The following PFKP variants were observed in gnomAD, a reference collection of about 807,000 sequenced individuals.
PFKP encodes phosphofructokinase, platelet, also known as ATP-dependent 6-phosphofructokinase, platelet type.
A neutral mutation model predicts 94.3 loss-of-function variants in PFKP; 101 were observed. The observed-to-expected ratio is 1.07, with a 90% confidence interval of 0.91 to 1.26. The LOEUF (loss-of-function observed/expected upper bound fraction) is 1.26, where lower values mean the gene tolerates loss of function less well. Among genes scored for constraint, PFKP ranks in the 50% most tolerant of loss-of-function variants. The pLI is 0.00. For synonymous variants in PFKP, 573 were observed against 432.6 expected, an observed-to-expected ratio of 1.32 and a Z score of -4.03; for missense variants, 1,145 against 1,103.3, an observed-to-expected ratio of 1.04 and a Z score of -0.53.
At chr10:3,126,489 G>C (rs1185178863) in intron 16 of PFKP, among the ~76,000 whole-genome samples, 1 of 152,198 alleles carries the variant, frequency 6.6e-6, no homozygotes, top group Non-Finnish European at 1.5e-5. Flanking sequence ...CGCCCCACAC[G>C]CGACGCAGCC....
chr10:3,117,941 C>T (rs1178591128), intron 14 of PFKP, among the ~76,000 whole-genome samples: 8 of 152,134 alleles, frequency 5.3e-5, no homozygotes, highest in African/African-American at 1.9e-4. Context: ...CCTACGGTGT[C>T]TTATAAATCT....
intron 4 of PFKP, among the ~76,000 whole-genome samples, chr10:3,102,205 C>T (rs1333437576): frequency 5.3e-5 from 7 of 133,168 alleles, no homozygotes; most frequent in African/African-American, 1.9e-4. Context: ...GAGCCGAGGT[C>T]CCGCCACTGC....
intron 2 of PFKP, among the ~76,000 whole-genome samples, chr10:3,095,982 C>A (rs967669504): frequency 6.6e-6 from 1 of 152,138 alleles, no homozygotes; most frequent in East Asian, 1.9e-4. Context: ...TTGCCACATG[C>A]ATCTATGCAA....
rs569602318 is a variant in PFKP at position 3,105,187 on chromosome 10, C to T, written c.665+28C>T. The T allele has an allele frequency of 5.7e-5, 91 of 1,606,786 alleles. 1 individual carries two copies. In the East Asian group the frequency reaches 6.9e-4, roughly 12 times the overall value. On this transcript the variant is annotated intron_variant, in intron 6 of 21. Coordinates refer to ENST00000381125, the MANE Select transcript of PFKP (RefSeq NM_002627.5). ...ACGTACCTGCGGTGGGTCCGGTGGA[C>T]GCGGTTCAGGTGGGGGACCCTCAGC...
At chr10:3,107,086 G>T (rs1289430939) in intron 7 of PFKP, 128 bp from the exon 8 acceptor site, 5 of 629,382 alleles carry the variant, frequency 7.9e-6, no homozygotes, top group Non-Finnish European at 1.4e-5. Context: ...CAGCTCTTAG[G>T]AAGTTAGGCA....
intron 4 of PFKP, among the ~76,000 whole-genome samples, chr10:3,102,253 A>G (rs1835092417): frequency 1.6e-5 from 1 of 62,654 alleles, no homozygotes; most frequent in Non-Finnish European, 3.9e-5. Context: ...TCTGTCTCAA[A>G]AAAAAAAAAA....
chr10:3,068,795 A>T, intron 1 of PFKP: 4 of 675,748 alleles, frequency 5.9e-6, no homozygotes, highest in Non-Finnish European at 7.3e-6. Flanking sequence ...GCGATCGCGC[A>T]GGCTGGAGAC....
intron 9 of PFKP, 22 bp from the exon 10 acceptor site, chr10:3,109,333 C>G: frequency 6.2e-7 from 1 of 1,607,102 alleles, no homozygotes; most frequent in Non-Finnish European, 8.5e-7. Context: ...CTGCCCCTGA[C>G]CCACATGGAC....
At chr10:3,123,677 C>T (rs530154044) in intron 16 of PFKP, among the ~76,000 whole-genome samples, 21 of 152,366 alleles carry the variant, frequency 1.4e-4, no homozygotes, top group African/African-American at 3.4e-4. Context: ...AAGTGAGCGA[C>T]ATCACCTGTC....
intron 10 of PFKP, among the ~76,000 whole-genome samples, chr10:3,110,710 CTG>C (rs1260349171): frequency 2.6e-5 from 4 of 151,936 alleles, no homozygotes; most frequent in Non-Finnish European, 5.9e-5. Context: ...GCTTGTGTCT[CTG>C]TGTGTATGTA....
intron 16 of PFKP, among the ~76,000 whole-genome samples, chr10:3,128,385 C>G (rs1380335556): frequency 6.6e-6 from 1 of 152,202 alleles, no homozygotes; most frequent in Non-Finnish European, 1.5e-5. Flanking sequence ...GTCCTAGAAA[C>G]CAGGTGGTGT....
At chr10:3,078,881 G>A (rs1266429434) in intron 1 of PFKP, among the ~76,000 whole-genome samples, 3 of 152,168 alleles carry the variant, frequency 2.0e-5, no homozygotes, top group Non-Finnish European at 4.4e-5. Context: ...AAAGCCCTTT[G>A]CAATGCATGG....
At chr10:3,101,070 G>T in intron 3 of PFKP, 1 of 1,240,112 alleles carries the variant, frequency 8.1e-7, no homozygotes, top group African/African-American at 1.5e-5. Flanking sequence ...GGCGGCTGCT[G>T]TGACACCGCA....
At chr10:3,109,803 C>T (rs1305617902) in intron 10 of PFKP, among the ~76,000 whole-genome samples, 2 of 152,140 alleles carry the variant, frequency 1.3e-5, no homozygotes, top group African/African-American at 2.4e-5. Context: ...GCACCAGGTG[C>T]TGCAGAAGGA....
At chr10:3,104,327 G>A (rs916870050) in intron 5 of PFKP, among the ~76,000 whole-genome samples, 19 of 152,190 alleles carry the variant, frequency 1.2e-4, no homozygotes, top group Admixed American at 7.8e-4. Context: ...ACGGATTCAC[G>A]AAGTGTCGTG....
rs566149687 is a variant in PFKP, at chr10:3,071,334, C to T, written c.112+3627C>T. ...TCTCTTTTCTATATTCCCGACTCCC[C>T]GGGCCTTGAATGAAGAAAGTATTTC... On this transcript the variant is annotated intron_variant, in intron 1 of 21. Transcript: ENST00000381125. Among the ~76,000 whole-genome samples, 15 of 150,578 alleles carry T rather than the reference C, an allele frequency of 1.0e-4. No homozygotes were observed. The South Asian group carries it at 2.3e-3, about 23-fold the overall frequency.
chr10:3,101,989 C>A (rs941135632), intron 4 of PFKP, among the ~76,000 whole-genome samples: 2 of 150,746 alleles, frequency 1.3e-5, no homozygotes, highest in African/African-American at 4.8e-5. Flanking sequence ...CGGTGGCTCA[C>A]GCCTGTAATC....
At chr10:3,104,047 G>A (rs538976045) in intron 5 of PFKP, 103 bp downstream of exon 5, 67 of 1,043,176 alleles carry the variant, frequency 6.4e-5, no homozygotes, top group South Asian at 2.8e-4. Context: ...TGGGTGTCCT[G>A]GTGCTGGTCT....
At chr10:3,086,176 ATGT>A (rs1390184649) in intron 2 of PFKP, among the ~76,000 whole-genome samples, 3 of 152,122 alleles carry the variant, frequency 2.0e-5, no homozygotes, top group Non-Finnish European at 4.4e-5. Flanking sequence ...AGTTCACAGA[ATGT>A]TTCCCAGGAT....
Sources: gnomAD v4.1 joint callset for allele counts (sites outside exome capture counted in the v4.1 genomes callset) on GRCh38, gnomAD v4.1.1 for gene constraint, MANE v1.5 for transcripts, NCBI Gene and HGNC (gene_info 2026-07-23, HGNC 2026-07-21) for gene names.